Variants in CCDC50 observed in about 807,000 individuals in gnomAD.
CCDC50 encodes the protein coiled-coil domain containing 50.
A neutral mutation model predicts 70.2 loss-of-function variants in CCDC50; 54 were observed. The observed-to-expected ratio is 0.77, with a 90% CI of 0.62 to 0.96. The LOEUF is 0.96. Ranked by LOEUF, CCDC50 falls within the 50% of genes least tolerant of loss-of-function variation. The pLI is 0.00. For synonymous variants in CCDC50, 216 were observed against 198.8 expected, an observed-to-expected ratio of 1.09 and a Z score of -0.73; for missense variants, 558 against 578.7, an observed-to-expected ratio of 0.96 and a Z score of 0.37.
chr3:191,332,879 C>T (rs1718037306), intron 1 of CCDC50, among the ~76,000 whole-genome samples: 1 of 152,158 alleles, frequency 6.6e-6, no homozygotes. Context: ...AGATGTTGAT[C>T]GAGGCCTTTC....
At chr3:191,369,243 G>C (rs1373373297) in intron 4 of CCDC50, among the ~76,000 whole-genome samples, 1 of 151,604 alleles carries the variant, frequency 6.6e-6, no homozygotes, top group African/African-American at 2.4e-5. Flanking sequence ...GTACTCCCGT[G>C]GAAATTTTTT....
At chr3:191,377,041 A>G (rs1199894554) in intron 6 of CCDC50, among the ~76,000 whole-genome samples, 1 of 152,154 alleles carries the variant, frequency 6.6e-6, no homozygotes, top group Admixed American at 6.6e-5. Context: ...AGGCTCCACT[A>G]CTGGAATTGC....
chr3:191,339,761 A>G lies in CCDC50; in HGVS notation c.49+10038A>G, dbSNP rs143518427. ...CACTGGACAGTTAGTGACTGATAAC[A>G]TGGTCTCCATTTACTCTGATACTGA... On this transcript the variant is annotated intron_variant, in intron 1 of 11. Coordinates refer to ENST00000392455, the MANE Select transcript of CCDC50 (RefSeq NM_178335.3). Among the ~76,000 whole-genome samples the G allele has an allele frequency of 2.4e-3, 359 of 152,350 alleles. 3 individuals are homozygous for G. The highest frequency in any genetic ancestry group is 6.8e-3 in the Middle Eastern group (2 of 294).
intron 1 of CCDC50, among the ~76,000 whole-genome samples, chr3:191,356,141 T>G (rs2108647412): frequency 6.6e-6 from 1 of 152,310 alleles, no homozygotes; most frequent in Non-Finnish European, 1.5e-5. Flanking sequence ...TAACATGAAT[T>G]ACATGCTTGG....
intron 1 of CCDC50, among the ~76,000 whole-genome samples, chr3:191,355,684 A>T (rs1243730782): frequency 6.6e-6 from 1 of 152,198 alleles, no homozygotes; most frequent in East Asian, 1.9e-4. Flanking sequence ...GGTAACTAGG[A>T]CCTGGGCTTC....
In CCDC50 at chr3:191,396,423, AC is replaced by A. The variant is rs1560176183; in HGVS notation, c.*4665del. On this transcript the variant is annotated 3_prime_UTR_variant, in exon 12 of 12. Transcript: ENST00000392455. ...TAATTTTATTTCATGTTGTCTGTCCACCTCTGAATAAGCAGTGGCATGACCA... is the reference window on the plus strand; with the variant it reads ...TAATTTTATTTCATGTTGTCTGTCCACTCTGAATAAGCAGTGGCATGACCA... 1 of 152,170 alleles carries A rather than the reference AC, an allele frequency of 6.6e-6. No homozygotes were observed. Among genetic ancestry groups the A allele is most frequent in the African/African-American group, 2.4e-5 (1 of 41,458 alleles). The allele number at this position is 152,170 out of a possible 1,614,324, so 9.4% of individuals were successfully genotyped here.
chr3:191,359,420 G>T (rs1712407106), intron 3 of CCDC50, among the ~76,000 whole-genome samples: 1 of 152,160 alleles, frequency 6.6e-6, no homozygotes, highest in South Asian at 2.1e-4. Flanking sequence ...TCAAAAGCTG[G>T]ATCAAAAGGG....
At position 191,384,294 on chromosome 3, in the gene CCDC50, CA is replaced by C. The variant is rs559154111; in HGVS notation, c.1322+1476del. Among the ~76,000 whole-genome samples, 483 of 151,696 alleles carry C rather than the reference CA, an allele frequency of 3.2e-3. 3 individuals carry two copies. The highest frequency in any genetic ancestry group is 0.011 in the African/African-American group (458 of 41,388). On this transcript the variant is annotated intron_variant, in intron 10 of 11. Coordinates refer to ENST00000392455, the MANE Select transcript of CCDC50 (RefSeq NM_178335.3). ...ATTTTAGCAGGATTGTATATATGAC[CA>C]AAAAAATGAGGAATTTTATGAAACC...
At chr3:191,373,553 G>A (rs1451958022) in intron 5 of CCDC50, among the ~76,000 whole-genome samples, 2 of 152,070 alleles carry the variant, frequency 1.3e-5, no homozygotes, top group Admixed American at 1.3e-4. Context: ...TTCCCCGGAT[G>A]TGGTCATCAT....
At chr3:191,359,852 A>G (rs143643730) in intron 3 of CCDC50, among the ~76,000 whole-genome samples, 10 of 152,306 alleles carry the variant, frequency 6.6e-5, no homozygotes, top group Admixed American at 3.9e-4. Flanking sequence ...GATGTTTAAA[A>G]TCCTGAATTA....
At position 191,396,329 on chromosome 3, in the gene CCDC50, C is replaced by T. The variant is rs1209146054; in HGVS notation, c.*4569C>T. On this transcript the variant is annotated 3_prime_UTR_variant, in exon 12 of 12. Transcript: ENST00000392455. ...ACATTCACAGATGATCCCCAAGTAT[C>T]CTTGTCATCAGAAGCTTTGGACCTT... The T allele has an allele frequency of 6.6e-6, 1 of 152,190 alleles. No homozygotes were observed. The highest frequency in any genetic ancestry group is 1.5e-5 in the Non-Finnish European group (1 of 68,038). The allele number at this position is 152,190 out of a possible 1,614,324, so 9.4% of individuals were successfully genotyped here.
At chr3:191,340,538 A>G (rs907437442) in intron 1 of CCDC50, among the ~76,000 whole-genome samples, 7 of 152,192 alleles carry the variant, frequency 4.6e-5, no homozygotes, top group African/African-American at 1.7e-4. Context: ...GTTTTCCTTC[A>G]TACCCTTCTT....
At chr3:191,374,731 T>C (rs1415912517) in intron 5 of CCDC50, among the ~76,000 whole-genome samples, 1 of 152,220 alleles carries the variant, frequency 6.6e-6, no homozygotes, top group African/African-American at 2.4e-5. Context: ...AATTGGTTTA[T>C]AAATAGAACT....
At chr3:191,380,615 T>G (rs1172755561) in intron 7 of CCDC50, 72 bp from the exon 8 acceptor site, 2 of 1,428,042 alleles carry the variant, frequency 1.4e-6, no homozygotes, top group East Asian at 4.8e-5. Flanking sequence ...CAGCTTATTT[T>G]GTACAAGATA....
At chr3:191,329,748 G>T in intron 1 of CCDC50, 25 bp downstream of exon 1, 1 of 1,601,290 alleles carries the variant, frequency 6.2e-7, no homozygotes. Context: ...GGGAGAGCGC[G>T]CGGGACCCTC....
chr3:191,379,734 TAGAA>T (rs1299881948), intron 6 of CCDC50, among the ~76,000 whole-genome samples: 1 of 152,148 alleles, frequency 6.6e-6, no homozygotes, highest in Admixed American at 6.6e-5. Context: ...CTGAGATAAA[TAGAA>T]AGAAGCCTCT....
At chr3:191,359,043 T>G (rs1712394206) in intron 3 of CCDC50, among the ~76,000 whole-genome samples, 1 of 152,308 alleles carries the variant, frequency 6.6e-6, no homozygotes, top group South Asian at 2.1e-4. Flanking sequence ...TCTGGCACCA[T>G]GAAAGGAGAC....
At chr3:191,376,985 A>G (rs1288400291) in intron 6 of CCDC50, among the ~76,000 whole-genome samples, 1 of 152,112 alleles carries the variant, frequency 6.6e-6, no homozygotes, top group Non-Finnish European at 1.5e-5. Context: ...ATGCTCCAGG[A>G]TATTTTAAAT....
chr3:191,388,491 T>C (rs1193215347), intron 10 of CCDC50, among the ~76,000 whole-genome samples: 2 of 152,210 alleles, frequency 1.3e-5, no homozygotes, highest in Non-Finnish European at 2.9e-5. Flanking sequence ...ATTGAGATAA[T>C]CTGTGTAGAA....
Sources: gnomAD v4.1 joint callset for allele counts (sites outside exome capture counted in the v4.1 genomes callset) on GRCh38, gnomAD v4.1.1 for gene constraint, MANE v1.5 for transcripts, NCBI Gene and HGNC (gene_info 2026-07-23, HGNC 2026-07-21) for gene names.